GAB2: variants seen among roughly 807,000 people sequenced by gnomAD.
GAB2 encodes the protein GRB2 associated binding protein 2, also known as GRB2-associated-binding protein 2.
A neutral mutation model predicts 65.5 loss-of-function variants in GAB2; 26 were observed. The observed-to-expected ratio is 0.40, with a 90% CI of 0.29 to 0.55. The LOEUF is 0.55. Among genes scored for constraint, GAB2 ranks in the 20% least tolerant of loss-of-function variants. The pLI, the probability that GAB2 is intolerant of heterozygous loss-of-function variation, is 0.53. For synonymous variants in GAB2, 321 were observed against 329.6 expected (o/e 0.97, Z 0.28); for missense variants, 884 against 875.8 (o/e 1.01, Z -0.12).
At chr11:78,266,214 C>CAAAAAAAAAAA (rs11445907) in intron 2 of GAB2, among the ~76,000 whole-genome samples, 4 of 65,052 alleles carry the variant, frequency 6.1e-5, no homozygotes, top group East Asian at 5.5e-4. Flanking sequence ...GACTCCATCT[C>CAAAAAAAAAAA]AAAAAAAAAA....
At chr11:78,291,561 C>CTT (rs1163199130) in intron 1 of GAB2, among the ~76,000 whole-genome samples, 14 of 80,900 alleles carry the variant, frequency 1.7e-4, no homozygotes, top group South Asian at 4.4e-4. Context: ...TTTTCTTTTT[C>CTT]TTTTTTTTTT....
intron 1 of GAB2, among the ~76,000 whole-genome samples, chr11:78,387,465 A>G (rs1322939967): frequency 6.6e-6 from 1 of 152,162 alleles, no homozygotes; most frequent in Admixed American, 6.5e-5. Flanking sequence ...CAAAATCTCT[A>G]CCAATGGGTC....
chr11:78,244,587 A>G (rs1865241292), intron 3 of GAB2, among the ~76,000 whole-genome samples: 1 of 151,752 alleles, frequency 6.6e-6, no homozygotes, highest in Non-Finnish European at 1.5e-5. Context: ...AAAAAAAACA[A>G]ATAATGGAGT....
At chr11:78,233,040 G>GTTTTTT (rs372693456) in intron 3 of GAB2, among the ~76,000 whole-genome samples, 5 of 131,984 alleles carry the variant, frequency 3.8e-5, no homozygotes, top group Non-Finnish European at 3.1e-5. Flanking sequence ...GCACTGTTAA[G>GTTTTTT]TTTTTTTTTT....
At chr11:78,230,750 G>A (rs1049622029) in intron 3 of GAB2, among the ~76,000 whole-genome samples, 2 of 152,266 alleles carry the variant, frequency 1.3e-5, no homozygotes, top group Non-Finnish European at 2.9e-5. Context: ...CATACTCAGA[G>A]GGCAGGGAAT....
rs1361019592 is a variant in GAB2 at position 78,264,311 on chromosome 11, T to G, written c.377-13911A>C. The stretch of plus-strand genomic sequence containing the variant: ...ATCCCAGTAATGTTTTGTTGTTTTA[T>G]GTACAGAGATCTAGGATGGCTTTTG... On this transcript the variant is annotated intron_variant, in intron 2 of 9. Transcript: ENST00000361507. Among the ~76,000 whole-genome samples the G allele has an allele frequency of 4.6e-5, 7 of 152,074 alleles. 1 individual carries two copies. Among genetic ancestry groups the G allele is most frequent in the Admixed American group, 2.0e-4 (3 of 15,246 alleles).
chr11:78,271,765 GGT>G (rs1399871880), intron 2 of GAB2, among the ~76,000 whole-genome samples: 1 of 152,196 alleles, frequency 6.6e-6, no homozygotes, highest in Non-Finnish European at 1.5e-5. Context: ...GGCCAAGGCG[GGT>G]GGATCACTTG....
At chr11:78,365,371 A>G (rs1856483338) in intron 1 of GAB2, among the ~76,000 whole-genome samples, 1 of 151,996 alleles carries the variant, frequency 6.6e-6, no homozygotes, top group South Asian at 2.1e-4. Flanking sequence ...GAAACTCCCC[A>G]GGGCACCTTG....
intron 1 of GAB2, among the ~76,000 whole-genome samples, chr11:78,398,338 C>T (rs531632351): frequency 4.6e-5 from 7 of 152,270 alleles, no homozygotes; most frequent in African/African-American, 1.7e-4. Flanking sequence ...CAGGCCTGCA[C>T]TGTATACAAC....
At chr11:78,327,518 T>A (rs1855844910) in intron 1 of GAB2, among the ~76,000 whole-genome samples, 1 of 152,170 alleles carries the variant, frequency 6.6e-6, no homozygotes, top group African/African-American at 2.4e-5. Flanking sequence ...GGAGAAGGCA[T>A]CATTAAAGTG....
intron 1 of GAB2, among the ~76,000 whole-genome samples, chr11:78,309,925 AATGTGTGT>A (rs1855452423): frequency 1.2e-5 from 1 of 80,758 alleles, no homozygotes; most frequent in African/African-American, 6.3e-5. Flanking sequence ...GAGGGTTAGA[AATGTGTGT>A]GTGTGTGTGT....
chr11:78,344,314 A>G (rs1237665664), intron 1 of GAB2, among the ~76,000 whole-genome samples: 2 of 152,236 alleles, frequency 1.3e-5, no homozygotes, highest in African/African-American at 2.4e-5. Context: ...GATCTTAGTC[A>G]TAAGGTAATG....
chr11:78,304,659 A>T lies in GAB2; in HGVS notation c.76-23758T>A, dbSNP rs576680837. On this transcript the variant is annotated intron_variant, in intron 1 of 9. Coordinates refer to ENST00000361507, the MANE Select transcript of GAB2 (RefSeq NM_080491.3). The stretch of plus-strand genomic sequence containing the variant: ...TTTAATTCCTTTAGCCCTCAGAGAA[A>T]CTGTAGTCCCTGGGCCAGTTACCCC... Among the ~76,000 whole-genome samples the T allele has an allele frequency of 3.9e-5, 6 of 152,304 alleles. No individual in the cohort carries two copies. In the South Asian group the frequency reaches 1.0e-3, roughly 26 times the overall value.
At chr11:78,227,235 G>A (rs752041428) in intron 3 of GAB2, among the ~76,000 whole-genome samples, 184 bp from the exon 4 acceptor site, 61 of 152,192 alleles carry the variant, frequency 4.0e-4, no homozygotes, top group African/African-American at 1.1e-3. Flanking sequence ...GACTTCATCC[G>A]TCCCCCATCT....
At chr11:78,263,979 G>A (rs1427258239) in intron 2 of GAB2, among the ~76,000 whole-genome samples, 3 of 151,508 alleles carry the variant, frequency 2.0e-5, no homozygotes, top group African/African-American at 7.3e-5. Flanking sequence ...TCTACTGTAA[G>A]GAAAATGAGA....
At chr11:78,259,464 T>C (rs917686495) in intron 2 of GAB2, among the ~76,000 whole-genome samples, 1 of 152,076 alleles carries the variant, frequency 6.6e-6, no homozygotes, top group Non-Finnish European at 1.5e-5. Flanking sequence ...AAGGAACATA[T>C]GAAGAATCCT....
At chr11:78,262,755 T>G (rs890015122) in intron 2 of GAB2, among the ~76,000 whole-genome samples, 8 of 152,218 alleles carry the variant, frequency 5.3e-5, no homozygotes, top group Admixed American at 6.5e-5. Context: ...GAGTTGTCTT[T>G]TTAACACCAC....
intron 1 of GAB2, among the ~76,000 whole-genome samples, chr11:78,284,523 C>A (rs1351057793): frequency 6.6e-6 from 1 of 152,338 alleles, no homozygotes; most frequent in Admixed American, 6.5e-5. Context: ...GGCCACGTGG[C>A]CTTACACAGT....
chr11:78,391,685 C>T (rs575622786), intron 1 of GAB2, among the ~76,000 whole-genome samples: 6 of 152,272 alleles, frequency 3.9e-5, no homozygotes, highest in South Asian at 4.1e-4. Flanking sequence ...GTGATGCTTT[C>T]GGAGGATTCC....
Sources: gnomAD v4.1 joint callset for allele counts (sites outside exome capture counted in the v4.1 genomes callset) on GRCh38, gnomAD v4.1.1 for gene constraint, MANE v1.5 for transcripts, NCBI Gene and HGNC (gene_info 2026-07-23, HGNC 2026-07-21) for gene names.